NEMP1: variants seen among roughly 807,000 people sequenced by gnomAD.
NEMP1 encodes the protein transmembrane protein 194.
NEMP1 carries 29 observed loss-of-function variants against 53.7 expected under a neutral mutation model. That is an observed-to-expected ratio of 0.54 (90% CI 0.40 to 0.74). NEMP1 has a LOEUF of 0.74. Among genes scored for constraint, NEMP1 ranks in the 30% least tolerant of loss-of-function variants. The pLI is 0.00. For synonymous variants in NEMP1, 193 were observed against 192.9 expected, an observed-to-expected ratio of 1.00 and a Z score of 0.00; for missense variants, 477 against 528.6, an observed-to-expected ratio of 0.90 and a Z score of 0.96.
intron 2 of NEMP1, 89 bp from the exon 3 acceptor site, chr12:57,070,982 A>G: frequency 1.9e-6 from 2 of 1,057,112 alleles, no homozygotes; most frequent in Admixed American, 2.5e-5. Flanking sequence ...CCCTCAGACT[A>G]ACAACCAAAT....
chr12:57,076,604 G>C (rs2032632644), intron 1 of NEMP1, among the ~76,000 whole-genome samples: 1 of 151,154 alleles, frequency 6.6e-6, no homozygotes, highest in African/African-American at 2.4e-5. Context: ...TCAGGAGTTT[G>C]AGACCAGCCT....
chr12:57,061,112 A>C (rs746358064), intron 7 of NEMP1, among the ~76,000 whole-genome samples, 167 bp from the exon 8 acceptor site: 20 of 152,140 alleles, frequency 1.3e-4, no homozygotes, highest in Non-Finnish European at 2.2e-4. Context: ...CTCCTGATAC[A>C]TTAGACTATG....
At chr12:57,072,466 AG>A (rs2032399548) in intron 2 of NEMP1, among the ~76,000 whole-genome samples, 1 of 152,188 alleles carries the variant, frequency 6.6e-6, no homozygotes, top group African/African-American at 2.4e-5. Context: ...AAATAAAAAA[AG>A]AAAGAGGGGT....
At chr12:57,079,708 A>G (rs1592521815), upstream of NEMP1, among the ~76,000 whole-genome samples, 1 of 152,192 alleles carries the variant, frequency 6.6e-6, no homozygotes, top group East Asian at 1.9e-4. Flanking sequence ...AGCCAAATGA[A>G]TTGAGGAATT....
intron 4 of NEMP1, among the ~76,000 whole-genome samples, chr12:57,064,977 T>G (rs540874440): frequency 1.1e-4 from 16 of 152,254 alleles, no homozygotes; most frequent in Non-Finnish European, 1.8e-4. Context: ...TTGTTTACAC[T>G]ATATTATAGT....
At chr12:57,086,257 C>A (rs1241237916) in intron 1 of NEMP1, among the ~76,000 whole-genome samples, 1 of 152,184 alleles carries the variant, frequency 6.6e-6, no homozygotes, top group East Asian at 1.9e-4. Flanking sequence ...TCCTCGCAAT[C>A]GTTTCCCCTT....
chr12:57,061,404 G>GTGGT (rs1393176570), intron 7 of NEMP1, among the ~76,000 whole-genome samples: 2 of 152,140 alleles, frequency 1.3e-5, no homozygotes, highest in Admixed American at 6.5e-5. Context: ...GTATAAGACT[G>GTGGT]TGGTTCTAGC....
At position 57,078,585 on chromosome 12, in the gene NEMP1, CCTGCCCCCTTGGCAG is replaced by C; in HGVS notation, c.127+19_127+33del. 1 of 1,593,158 alleles carries C rather than the reference CCTGCCCCCTTGGCAG, an allele frequency of 6.3e-7. No homozygotes were observed. Among genetic ancestry groups the C allele is most frequent in the South Asian group, 1.1e-5 (1 of 88,886 alleles). ...TTTTCCAAAAATAACCCCCTCGGCA[CCTGCCCCCTTGGCAG>C]CTGCTGCCCGGGCGGTACCTGTGCC... On this transcript the variant is annotated intron_variant, in intron 1 of 8. Coordinates refer to ENST00000300128, the MANE Select transcript of NEMP1 (RefSeq NM_001130963.2).
At chr12:57,063,416 T>A in intron 6 of NEMP1, 72 bp from the exon 7 acceptor site, 1 of 1,266,950 alleles carries the variant, frequency 7.9e-7, no homozygotes, top group Non-Finnish European at 1.1e-6. Context: ...TGGGAAGCAG[T>A]AGTTAATTTA....
intron 1 of NEMP1, among the ~76,000 whole-genome samples, chr12:57,074,597 G>A (rs1173001162): frequency 6.6e-6 from 1 of 151,570 alleles, no homozygotes; most frequent in Non-Finnish European, 1.5e-5. Flanking sequence ...AAGCCACCAC[G>A]CCCAGCCAGC....
In NEMP1 at chr12:57,059,977, T is replaced by C. The variant is rs1398677893; in HGVS notation, c.1237A>G (p.Ile413Val). ...TCATAGATTTCATCCTGGGCAATAA[T>C]GCTCCCTAATCCATACTCCTGCTCA... ...VHEQEYGLGS[I>V]IAQDEIYEEA... Residue 413 changes from isoleucine (I) to valine (V), a missense_variant, in exon 9 of 9, where the codon ATT becomes GTT. Transcript: ENST00000300128. 33 of 1,613,590 alleles carry C rather than the reference T, an allele frequency of 2.0e-5. No individual in the cohort carries two copies. In the Admixed American group the frequency reaches 5.2e-4, roughly 25 times the overall value.
chr12:57,075,871 G>A (rs1278921643), intron 1 of NEMP1, among the ~76,000 whole-genome samples: 1 of 151,766 alleles, frequency 6.6e-6, no homozygotes, highest in Non-Finnish European at 1.5e-5. Flanking sequence ...GGGAGGCTGA[G>A]GCGGGCAGAT....
chr12:57,088,396 A>C (rs1446956454), upstream of NEMP1, among the ~76,000 whole-genome samples: 3 of 152,196 alleles, frequency 2.0e-5, no homozygotes, highest in Non-Finnish European at 4.4e-5. Flanking sequence ...GATATCTAGG[A>C]GATCCCTGCA....
At position 57,069,296 on chromosome 12, in the gene NEMP1, G is replaced by T; in HGVS notation, c.483C>A (p.Pro161=). Reference sequence around the variant, plus strand: ...CAAGAAGGAAAACAAGAAAGAGTTTGGGATCAAATCCTGAAATAAATAAAG... The same window carrying T: ...CAAGAAGGAAAACAAGAAAGAGTTTTGGATCAAATCCTGAAATAAATAAAG... ...YSVIVIRRFD[P]KLFLVFLLGL... Residue 161 remains proline, a synonymous_variant, in exon 4 of 9, where the codon CCC becomes CCA. Coordinates refer to ENST00000300128, the MANE Select transcript of NEMP1 (RefSeq NM_001130963.2). 6.5e-7 allele frequency: 1 copy of T among 1,544,528 alleles called. No homozygotes were observed. Among genetic ancestry groups the T allele is most frequent in the South Asian group, 1.2e-5 (1 of 82,240 alleles).
At chr12:57,082,174 A>G (rs1436521318), upstream of NEMP1, among the ~76,000 whole-genome samples, 1 of 151,972 alleles carries the variant, frequency 6.6e-6, no homozygotes, top group Admixed American at 6.6e-5. Flanking sequence ...AGCCAAGATC[A>G]GTGCCACTGC....
intron 4 of NEMP1, among the ~76,000 whole-genome samples, 180 bp from the exon 5 acceptor site, chr12:57,064,919 CAGTA>C (rs1428051012): frequency 3.3e-5 from 5 of 152,142 alleles, no homozygotes; most frequent in Middle Eastern, 3.2e-3. Context: ...ATTGCAATTG[CAGTA>C]AGTAAGTCAC....
chr12:57,060,139 GC>G (rs2031730920), intron 8 of NEMP1, 80 bp from the exon 9 acceptor site: 1 of 1,343,684 alleles, frequency 7.4e-7, no homozygotes, highest in Non-Finnish European at 1.0e-6. Flanking sequence ...ACAAATTAAA[GC>G]CCTCGATATG....
intron 7 of NEMP1, among the ~76,000 whole-genome samples, 159 bp from the exon 8 acceptor site, chr12:57,061,104 C>T (rs1005442540): frequency 6.6e-6 from 1 of 152,062 alleles, no homozygotes; most frequent in African/African-American, 2.4e-5. Context: ...ATAATGAACT[C>T]CTGATACATT....
chr12:57,078,535 C>A (rs1031560455), intron 1 of NEMP1, 84 bp downstream of exon 1: 8 of 1,508,230 alleles, frequency 5.3e-6, no homozygotes, highest in Non-Finnish European at 7.1e-6. Flanking sequence ...TGCAGAGTAA[C>A]GGCCCGCGCC....
Sources: allele counts gnomAD v4.1 joint callset (sites outside exome capture counted in the v4.1 genomes callset), GRCh38; gene constraint gnomAD v4.1.1; transcripts MANE v1.5; gene names NCBI Gene and HGNC (gene_info 2026-07-23, HGNC 2026-07-21).